Variants in ABCA10 observed in about 807,000 individuals in gnomAD.
ABCA10 encodes the protein ATP binding cassette subfamily A member 10, also known as ATP-binding cassette sub-family A member 10.
In ABCA10, 169 loss-of-function variants were observed where a neutral mutation model predicts 187.5. That is an observed-to-expected ratio of 0.90 (90% CI 0.80 to 1.02). The LOEUF (loss-of-function observed/expected upper bound fraction) is 1.02, where lower values mean the gene tolerates loss of function less well. Among genes scored for constraint, ABCA10 ranks in the 50% least tolerant of loss-of-function variants. ABCA10 has a pLI of 0.00. For missense variants in ABCA10, 1,727 were observed against 1,812.4 expected (o/e 0.95, Z 0.86); for synonymous variants, 574 against 601.8 (o/e 0.95, Z 0.68).
chr17:69,213,677 C>T (rs746795507), intron 9 of ABCA10, among the ~76,000 whole-genome samples: 4 of 152,206 alleles, frequency 2.6e-5, no homozygotes, highest in African/African-American at 7.2e-5. Flanking sequence ...GCAGGGCTCT[C>T]GGGCCTGGCT....
chr17:69,192,446 G>T, intron 16 of ABCA10, 117 bp downstream of exon 16: 2 of 845,344 alleles, frequency 2.4e-6, no homozygotes, highest in Non-Finnish European at 3.6e-6. Context: ...GCTGTTTATT[G>T]CAAAACAGTT....
chr17:69,241,928 T>C lies in ABCA10; in HGVS notation c.-593+2601A>G, dbSNP rs535162357. 9.2e-4 allele frequency among the ~76,000 whole-genome samples: 140 copies of C among 152,354 alleles called. No homozygotes were observed. The Middle Eastern group carries it at 0.01, about 11-fold the overall frequency. The stretch of plus-strand genomic sequence containing the variant: ...GTCTTTCTTTGAAACTTAAAGACTT[T>C]AGGCACCATCATAGACGGCTCTAAA... On this transcript the variant is annotated intron_variant, in intron 1 of 39. Transcript: ENST00000269081.
At position 69,155,882 on chromosome 17, in the gene ABCA10, G is replaced by T. The variant is rs780149671; in HGVS notation, c.3499C>A (p.Pro1167Thr). 1 of 1,613,582 alleles carries T rather than the reference G, an allele frequency of 6.2e-7. No individual in the cohort carries two copies. Among genetic ancestry groups the T allele is most frequent in the South Asian group, 1.1e-5 (1 of 91,068 alleles). Residue 1167 changes from proline to threonine, a missense_variant, in exon 29 of 39, where the codon CCC becomes ACC. Transcript: ENST00000690296. ...TGAACATCTTCATCTTCTTCTTCGG[G>T]CTCTTCCGGATTGGGATGAGTTTCT... ...SRETHPNPEE[P>T]EEEDEDVQAE...
intron 9 of ABCA10, among the ~76,000 whole-genome samples, chr17:69,209,877 TTATCA>T (rs2074624991): frequency 6.6e-6 from 1 of 152,160 alleles, no homozygotes; most frequent in Non-Finnish European, 1.5e-5. Flanking sequence ...TATCTCTATC[TTATCA>T]TATCTAAACA....
chr17:69,222,644 T>C lies in ABCA10; in HGVS notation c.88A>G (p.Lys30Glu), dbSNP rs755601061. The C allele has an allele frequency of 8.1e-6, 13 of 1,600,904 alleles. No homozygotes were observed. Among genetic ancestry groups the C allele is most frequent in the Admixed American group, 3.6e-5 (2 of 55,640 alleles). Residue 30 changes from lysine to glutamate, a missense_variant, in exon 4 of 39, where the codon AAA becomes GAA. Physicochemically the swap from Lys to Glu is moderately conservative, Grantham distance 56. Transcript: ENST00000690296. ...DEETMDIELP[K>E]KYHEMVGVIF... is the part of the protein sequence containing the mutation. ...ACTCCCACCATTTCATGGTATTTTT[T>C]TGGAAGTTCTATATCCATGGTCTCT...
chr17:69,181,991 C>T (rs544463970), intron 22 of ABCA10, among the ~76,000 whole-genome samples, 162 bp downstream of exon 22: 46 of 152,030 alleles, frequency 3.0e-4, no homozygotes, highest in African/African-American at 1.0e-3. Context: ...GGTACTATTA[C>T]GCTCCCTACT....
At chr17:69,156,476 T>A (rs912021859) in intron 28 of ABCA10, among the ~76,000 whole-genome samples, 15 of 152,158 alleles carry the variant, frequency 9.9e-5, no homozygotes, top group African/African-American at 3.6e-4. Context: ...CACTGTGCAA[T>A]ATGCTTAGCC....
chr17:69,221,072 T>C (rs563048421), intron 5 of ABCA10, among the ~76,000 whole-genome samples: 2 of 152,232 alleles, frequency 1.3e-5, no homozygotes, highest in East Asian at 3.9e-4. Flanking sequence ...ATGCCTGAGA[T>C]AGAACTTTGT....
chr17:69,184,894 T>C (rs1337093596), intron 20 of ABCA10, among the ~76,000 whole-genome samples: 2 of 141,682 alleles, frequency 1.4e-5, no homozygotes, highest in African/African-American at 2.8e-5. Flanking sequence ...CACACACACA[T>C]ACATATATAT....
chr17:69,156,343 G>A (rs571358279), intron 28 of ABCA10, among the ~76,000 whole-genome samples: 1 of 152,266 alleles, frequency 6.6e-6, no homozygotes, highest in East Asian at 1.9e-4. Flanking sequence ...AGCAAGCTTT[G>A]ATGCTTAAAC....
intron 2 of ABCA10, among the ~76,000 whole-genome samples, chr17:69,226,899 A>C (rs1347215585): frequency 3.3e-5 from 5 of 151,878 alleles, no homozygotes; most frequent in African/African-American, 1.2e-4. Flanking sequence ...TCTATTCTGC[A>C]AAAGATTATT....
At chr17:69,240,808 A>C (rs1366639785) in intron 1 of ABCA10, among the ~76,000 whole-genome samples, 2 of 152,226 alleles carry the variant, frequency 1.3e-5, no homozygotes, top group Non-Finnish European at 2.9e-5. Context: ...TCAGTTCTTC[A>C]GTAGCTAAGA....
At chr17:69,238,695 A>G (rs564668184) in intron 1 of ABCA10, among the ~76,000 whole-genome samples, 2 of 152,304 alleles carry the variant, frequency 1.3e-5, no homozygotes, top group South Asian at 2.1e-4. Flanking sequence ...GTTAAAGGCT[A>G]TAGATTACTT....
At chr17:69,216,460 A>C in intron 6 of ABCA10, 102 bp from the exon 7 acceptor site, 1 of 1,307,000 alleles carries the variant, frequency 7.7e-7, no homozygotes, top group Non-Finnish European at 1.0e-6. Flanking sequence ...ATCAGGACTA[A>C]ATTTATTCTA....
At chr17:69,201,709 C>T (rs372173586) in intron 9 of ABCA10, 41 bp from the exon 10 acceptor site, 18 of 1,443,556 alleles carry the variant, frequency 1.2e-5, no homozygotes, top group Admixed American at 4.6e-5. Flanking sequence ...ATCAATTATA[C>T]CACACCAATA....
At chr17:69,225,757 G>C (rs974551980) in intron 2 of ABCA10, among the ~76,000 whole-genome samples, 3 of 152,038 alleles carry the variant, frequency 2.0e-5, no homozygotes, top group African/African-American at 7.2e-5. Context: ...TCTTAACCCA[G>C]TGATTTAGCA....
At chr17:69,240,724 T>C (rs151092241) in intron 1 of ABCA10, among the ~76,000 whole-genome samples, 11 of 152,326 alleles carry the variant, frequency 7.2e-5, no homozygotes, top group African/African-American at 2.2e-4. Flanking sequence ...TCCAAAGTTG[T>C]CTTCCTCTTT....
chr17:69,227,313 T>C (rs2074802585), intron 1 of ABCA10, 28 bp from the exon 2 acceptor site: 1 of 151,738 alleles, frequency 6.6e-6, no homozygotes, highest in African/African-American at 2.4e-5. Flanking sequence ...AAAAAAAAGT[T>C]CAGTTACAGA....
At position 69,213,734 on chromosome 17, in the gene ABCA10, G is replaced by A. The variant is rs141136430; in HGVS notation, c.1006+970C>T. On this transcript the variant is annotated intron_variant, in intron 9 of 38. Coordinates refer to ENST00000690296, the MANE Select transcript of ABCA10 (RefSeq NM_001377321.1). ...ACCTTTGGCTGTTGCTTCTGCGCTA[G>A]TACCTACATTTCCTGTTCAACCCCC... 2.3e-3 allele frequency among the ~76,000 whole-genome samples: 350 copies of A among 152,256 alleles called. 2 individuals are homozygous for A. The highest frequency in any genetic ancestry group is 8.2e-3 in the African/African-American group (340 of 41,558).
Sources: allele counts gnomAD v4.1 joint callset (sites outside exome capture counted in the v4.1 genomes callset), GRCh38; gene constraint gnomAD v4.1.1; transcripts MANE v1.5; gene names NCBI Gene and HGNC (gene_info 2026-07-23, HGNC 2026-07-21).